The following EMC3 variants were observed in gnomAD, a reference collection of about 807,000 sequenced individuals.
EMC3 encodes the protein ER membrane protein complex subunit 3, also known as 30 kDa protein.
In EMC3, 13 loss-of-function variants were observed where a neutral mutation model predicts 36.6. That is an observed-to-expected ratio of 0.35 (90% CI 0.23 to 0.56). EMC3 has a LOEUF of 0.56. Ranked by LOEUF, EMC3 falls within the 20% of genes least tolerant of loss-of-function variation. The pLI, the probability that EMC3 is intolerant of heterozygous loss-of-function variation, is 0.84. For missense variants in EMC3, 220 were observed against 324.5 expected (o/e 0.68, Z 2.47); for synonymous variants, 120 against 111.9 (o/e 1.07, Z -0.46).
intron 7 of EMC3, among the ~76,000 whole-genome samples, chr3:9,965,526 C>T (rs993353155): frequency 4.6e-5 from 7 of 152,104 alleles, no homozygotes; most frequent in Admixed American, 3.3e-4. Context: ...ATATAATTTA[C>T]ATGTCATACA....
chr3:9,997,852 G>C (rs1475237046), intron 1 of EMC3, among the ~76,000 whole-genome samples: 1 of 152,086 alleles, frequency 6.6e-6, no homozygotes, highest in Non-Finnish European at 1.5e-5. Context: ...GAATAATGTT[G>C]CTATGAGTAT....
intron 1 of EMC3, chr3:9,992,797 A>T (rs528034952): frequency 6.4e-5 from 54 of 839,918 alleles, no homozygotes; most frequent in Middle Eastern, 3.4e-4. Flanking sequence ...GTGTGTTTTA[A>T]TTAGAGGAAA....
intron 1 of EMC3, chr3:10,007,699 C>T (rs535152684): frequency 1.5e-5 from 19 of 1,294,336 alleles, no homozygotes; most frequent in Middle Eastern, 2.8e-4. Context: ...CCGGTTTGTC[C>T]GTGTCTGGCA....
intron 3 of EMC3, among the ~76,000 whole-genome samples, chr3:9,975,828 A>G (rs1450557697): frequency 6.6e-6 from 1 of 151,722 alleles, no homozygotes; most frequent in African/African-American, 2.4e-5. Context: ...AAAAAAAAAA[A>G]AAAAAAAAGA....
At chr3:9,991,022 G>T (rs1415614095), upstream of EMC3, among the ~76,000 whole-genome samples, 1 of 151,574 alleles carries the variant, frequency 6.6e-6, no homozygotes, top group Non-Finnish European at 1.5e-5. Context: ...TAGAGACGGG[G>T]TTTCACCATG....
intron 1 of EMC3, among the ~76,000 whole-genome samples, chr3:9,980,651 G>C (rs1575682319): frequency 6.7e-6 from 1 of 150,226 alleles, no homozygotes; most frequent in African/African-American, 2.5e-5. Flanking sequence ...GCCTCCCAAA[G>C]TGCTGGGATT....
At chr3:9,987,550 A>C (rs1301789508), upstream of EMC3, among the ~76,000 whole-genome samples, 1 of 152,174 alleles carries the variant, frequency 6.6e-6, no homozygotes, top group Non-Finnish European at 1.5e-5. Flanking sequence ...ATGGTATCGC[A>C]CGTGTTAAAG....
At chr3:9,974,089 A>C (rs1428848173) in intron 4 of EMC3, among the ~76,000 whole-genome samples, 1 of 152,244 alleles carries the variant, frequency 6.6e-6, no homozygotes, top group African/African-American at 2.4e-5. Flanking sequence ...AACATCTAGC[A>C]AATGAAGTCA....
intron 1 of EMC3, among the ~76,000 whole-genome samples, chr3:10,005,574 ACTT>A (rs1410204414): frequency 1.3e-5 from 2 of 152,176 alleles, no homozygotes; most frequent in Non-Finnish European, 2.9e-5. Flanking sequence ...ATGCCCCACC[ACTT>A]CTTGCCCTTC....
chr3:10,005,130 A>G (rs2124941542), intron 1 of EMC3: 1 of 152,308 alleles, frequency 6.6e-6, no homozygotes, highest in South Asian at 2.1e-4. Flanking sequence ...GTGAGGGAGT[A>G]AACCAGAGGA....
At chr3:9,982,219 G>A (rs1002666628) in intron 1 of EMC3, among the ~76,000 whole-genome samples, 1 of 150,928 alleles carries the variant, frequency 6.6e-6, no homozygotes, top group Admixed American at 6.6e-5. Flanking sequence ...CAAAGTGCTG[G>A]GATTACAGGC....
intron 1 of EMC3, chr3:10,005,344 A>G (rs2086251766): frequency 6.6e-6 from 1 of 152,096 alleles, no homozygotes; most frequent in African/African-American, 2.4e-5. Context: ...TCAGTACAAC[A>G]TTCAGAGAGG....
intron 1 of EMC3, among the ~76,000 whole-genome samples, chr3:10,006,153 G>A (rs572751585): frequency 2.0e-5 from 3 of 152,262 alleles, no homozygotes; most frequent in South Asian, 2.1e-4. Context: ...TCTTAGAAAC[G>A]TCCCTGATAC....
At chr3:9,983,709 T>C (rs17050671) in intron 1 of EMC3, among the ~76,000 whole-genome samples, 7,704 of 151,932 alleles carry the variant, frequency 0.051, 245 homozygotes, top group South Asian at 0.091. Context: ...CTACACTAAC[T>C]GTGAATTTCA....
At chr3:9,990,996 T>C (rs1317408443), upstream of EMC3, among the ~76,000 whole-genome samples, 5 of 151,978 alleles carry the variant, frequency 3.3e-5, no homozygotes, top group Non-Finnish European at 7.4e-5. Context: ...GCCTGGCTAA[T>C]TTTTTGTATT....
At chr3:10,002,503 C>T (rs1365155515) in intron 1 of EMC3, among the ~76,000 whole-genome samples, 1 of 152,070 alleles carries the variant, frequency 6.6e-6, no homozygotes, top group Admixed American at 6.6e-5. Flanking sequence ...CCAGGCTGGT[C>T]TTGAACTCCT....
Position 9,986,823 on chromosome 3 carries a change from GC to G in EMC3, c.-163del, listed in dbSNP as rs1268214813. 17 of 1,410,518 alleles carry G rather than the reference GC, an allele frequency of 1.2e-5. No individual in the cohort carries two copies. In the East Asian group the frequency reaches 4.1e-4, roughly 34 times the overall value. 87.4% of individuals were successfully genotyped at this position (1,410,518 alleles called of 1,614,324 possible). On this transcript the variant is annotated 5_prime_UTR_variant, in exon 1 of 8. Coordinates refer to ENST00000245046, the MANE Select transcript of EMC3 (RefSeq NM_001394674.1). ...AGCCGAGCTTACTGCCTTCAGCTGG[GC>G]TGCCTGGTCTTCCACTTCCGGCGCG...
upstream of EMC3, chr3:9,986,920 A>G: frequency 7.9e-7 from 1 of 1,271,514 alleles, no homozygotes; most frequent in Non-Finnish European, 1.0e-6. Context: ...GAAAGTGGAA[A>G]ACTATCGGCG....
At chr3:10,002,214 A>G (rs1008460103) in intron 1 of EMC3, among the ~76,000 whole-genome samples, 3 of 151,130 alleles carry the variant, frequency 2.0e-5, no homozygotes, top group African/African-American at 7.3e-5. Flanking sequence ...AGTGTCTTCC[A>G]ATCCATGAAG....
Sources: gnomAD v4.1 joint callset for allele counts (sites outside exome capture counted in the v4.1 genomes callset) on GRCh38, gnomAD v4.1.1 for gene constraint, MANE v1.5 for transcripts, NCBI Gene and HGNC (gene_info 2026-07-23, HGNC 2026-07-21) for gene names.